The following ZCWPW2 variants were observed in gnomAD, a reference collection of about 807,000 sequenced individuals.
ZCWPW2 encodes zinc finger CW-type PWWP domain protein 2.
ZCWPW2 carries 45 observed loss-of-function variants against 46.6 expected under a neutral mutation model. The ratio of observed to expected loss-of-function variants is 0.96; its 90% CI spans 0.76 to 1.24. The LOEUF (loss-of-function observed/expected upper bound fraction) is 1.24, where lower values mean the gene tolerates loss of function less well. Ranked by LOEUF, ZCWPW2 falls within the 50% of genes most tolerant of loss-of-function variation. The pLI is 0.00. For missense variants in ZCWPW2, 429 were observed against 403.9 expected (o/e 1.06, Z -0.53); for synonymous variants, 152 against 137.1 (o/e 1.11, Z -0.76).
In ZCWPW2 at chr3:28,349,184, C is replaced by T. The variant is rs1021561309; in HGVS notation, c.-153C>T. The T allele has an allele frequency of 2.0e-6, 2 of 985,632 alleles. No homozygotes were observed. The highest frequency in any genetic ancestry group is 1.2e-6 in the Non-Finnish European group (1 of 830,156). 61.1% of individuals were successfully genotyped at this position (985,632 alleles called of 1,614,324 possible). On this transcript the variant is annotated 5_prime_UTR_variant, in exon 1 of 10. Coordinates refer to ENST00000383768, the MANE Select transcript of ZCWPW2 (RefSeq NM_001040432.4). ...GGCGGGGCCGCGGGACGCCAGGAGG[C>T]GGAGGCGGAGTGGAGTTAGGTAAGA...
intron 1 of ZCWPW2, among the ~76,000 whole-genome samples, chr3:28,371,437 T>C (rs1015391154): frequency 6.6e-6 from 1 of 152,082 alleles, no homozygotes; most frequent in Admixed American, 6.6e-5. Context: ...TTTTGTTAAA[T>C]TGACTTGATA....
At chr3:28,390,741 T>G in intron 2 of ZCWPW2, 124 bp downstream of exon 2, 54 of 708,792 alleles carry the variant, frequency 7.6e-5, no homozygotes, top group Non-Finnish European at 8.3e-5. Flanking sequence ...ATAACTTCTC[T>G]ATGAAATAAT....
At chr3:28,412,324 G>C (rs1425367508) in intron 2 of ZCWPW2, among the ~76,000 whole-genome samples, 2 of 151,746 alleles carry the variant, frequency 1.3e-5, no homozygotes, top group Non-Finnish European at 2.9e-5. Flanking sequence ...AAAAAGCTCT[G>C]AGAAATTTAA....
intron 4 of ZCWPW2, among the ~76,000 whole-genome samples, chr3:28,441,909 G>C (rs1312071483): frequency 6.6e-6 from 1 of 152,210 alleles, no homozygotes; most frequent in Non-Finnish European, 1.5e-5. Context: ...ATCTGCAGAA[G>C]ATGGCAGGGC....
chr3:28,392,782 C>G (rs950342501), intron 2 of ZCWPW2, among the ~76,000 whole-genome samples: 1 of 151,046 alleles, frequency 6.6e-6, no homozygotes, highest in Non-Finnish European at 1.5e-5. Context: ...GATATCATAC[C>G]AAAACTGATG....
At chr3:28,395,175 A>G (rs893829812) in intron 2 of ZCWPW2, among the ~76,000 whole-genome samples, 6 of 152,150 alleles carry the variant, frequency 3.9e-5, no homozygotes, top group African/African-American at 9.6e-5. Context: ...CAACATCAAT[A>G]ATCATCAGGG....
At chr3:28,384,038 G>A (rs1695189559) in intron 1 of ZCWPW2, among the ~76,000 whole-genome samples, 1 of 152,030 alleles carries the variant, frequency 6.6e-6, no homozygotes, top group African/African-American at 2.4e-5. Flanking sequence ...CTCTCCCACA[G>A]CTTTAGAGGT....
chr3:28,363,671 C>T (rs115429255), intron 1 of ZCWPW2, among the ~76,000 whole-genome samples: 1 of 152,124 alleles, frequency 6.6e-6, no homozygotes, highest in African/African-American at 2.4e-5. Context: ...CACTATTTAC[C>T]TGTGCTAGTC....
chr3:28,438,214 G>A (rs1221273898), intron 4 of ZCWPW2, among the ~76,000 whole-genome samples: 1 of 152,174 alleles, frequency 6.6e-6, no homozygotes, highest in East Asian at 1.9e-4. Context: ...AATGAAAGGG[G>A]CAGCTAGCTA....
intron 3 of ZCWPW2, among the ~76,000 whole-genome samples, chr3:28,433,176 T>C (rs1697340242): frequency 6.6e-6 from 1 of 152,160 alleles, no homozygotes; most frequent in Non-Finnish European, 1.5e-5. Context: ...TATCAAATGG[T>C]TGTGTAGGCT....
intron 5 of ZCWPW2, among the ~76,000 whole-genome samples, chr3:28,480,144 C>T (rs2125805630): frequency 6.6e-6 from 1 of 152,250 alleles, no homozygotes; most frequent in East Asian, 1.9e-4. Flanking sequence ...GCGATCACCA[C>T]ACTGTCTTAC....
intron 2 of ZCWPW2, among the ~76,000 whole-genome samples, chr3:28,402,882 T>A (rs560017955): frequency 3.4e-4 from 51 of 152,206 alleles, no homozygotes; most frequent in African/African-American, 1.1e-3. Flanking sequence ...AAAATCAGCA[T>A]ACAAGGAGCA....
chr3:28,386,265 C>T (rs1276371097), intron 1 of ZCWPW2, among the ~76,000 whole-genome samples: 1 of 152,034 alleles, frequency 6.6e-6, no homozygotes, highest in Admixed American at 6.6e-5. Context: ...TGCATACACG[C>T]CAAAGAAAAG....
chr3:28,413,064 C>A lies in ZCWPW2; in HGVS notation c.-5C>A, dbSNP rs763335936. 8.1e-6 allele frequency: 13 copies of A among 1,601,706 alleles called. No individual in the cohort carries two copies. In the South Asian group the frequency reaches 1.3e-4, roughly 17 times the overall value. ...TCTTTCTTATTTTCCAGATTAAATG[C>A]CTTAATGGATAAAGAAAAATTGGAT... On this transcript the variant is annotated 5_prime_UTR_variant, in exon 3 of 10. Transcript: ENST00000383768.
chr3:28,518,964 C>T (rs1700651106), intron 8 of ZCWPW2, among the ~76,000 whole-genome samples: 1 of 152,106 alleles, frequency 6.6e-6, no homozygotes, highest in African/African-American at 2.4e-5. Flanking sequence ...ACTTACATTC[C>T]TCTAGAAAAT....
At chr3:28,523,431 A>G (rs1700773730) in intron 9 of ZCWPW2, among the ~76,000 whole-genome samples, 1 of 152,108 alleles carries the variant, frequency 6.6e-6, no homozygotes, top group South Asian at 2.1e-4. Context: ...ATTAGAAATA[A>G]TTAATATGTC....
chr3:28,454,603 C>T (rs1323671457), intron 4 of ZCWPW2, among the ~76,000 whole-genome samples: 1 of 152,182 alleles, frequency 6.6e-6, no homozygotes. Flanking sequence ...AGCCCAGCAT[C>T]CCCTATCTAT....
chr3:28,474,586 CGTGTGTGTGT>C (rs71087699), intron 4 of ZCWPW2, among the ~76,000 whole-genome samples: 55 of 136,170 alleles, frequency 4.0e-4, no homozygotes, highest in Admixed American at 5.1e-4. Context: ...TTAAATACAG[CGTGTGTGTGT>C]GTGTGTGTGT....
At chr3:28,374,905 A>G (rs1705452864) in intron 1 of ZCWPW2, among the ~76,000 whole-genome samples, 1 of 151,964 alleles carries the variant, frequency 6.6e-6, no homozygotes, top group Admixed American at 6.6e-5. Flanking sequence ...TCTGTGTGTT[A>G]CCAAGAGTGA....
Sources: gnomAD v4.1 joint callset for allele counts (sites outside exome capture counted in the v4.1 genomes callset) on GRCh38, gnomAD v4.1.1 for gene constraint, MANE v1.5 for transcripts, NCBI Gene and HGNC (gene_info 2026-07-23, HGNC 2026-07-21) for gene names.